The following LAMA2 variants were observed in gnomAD, a reference collection of about 807,000 sequenced individuals.
The protein encoded by LAMA2 is laminin subunit alpha-2.
A neutral mutation model predicts 364.8 loss-of-function variants in LAMA2; 269 were observed. The ratio of observed to expected loss-of-function variants is 0.74; its 90% CI spans 0.67 to 0.82. The LOEUF is 0.82. Ranked by LOEUF, LAMA2 falls within the 40% of genes least tolerant of loss-of-function variation. The probability of loss-of-function intolerance (pLI) is 0.00; values close to 1 mark genes in which losing one functional copy is unlikely to be tolerated. For synonymous variants in LAMA2, 1,379 were observed against 1,370.6 expected (o/e 1.01, Z -0.14); for missense variants, 3,807 against 3,873.2 (o/e 0.98, Z 0.45).
At chr6:129,262,592 G>A (rs892585716) in intron 15 of LAMA2, among the ~76,000 whole-genome samples, 2 of 152,136 alleles carry the variant, frequency 1.3e-5, no homozygotes, top group Admixed American at 1.3e-4. Flanking sequence ...ATTGAATCAA[G>A]AGACAATGAA....
rs776062610 is a variant in LAMA2, at chr6:129,478,677, T to TTTGAC, written c.7452-14_7452-10dup. ...CTAATGATATTGCTTTTGCTTTTCATTTGACTATTCAATAGGCCAGAAGTA... is the reference window on the plus strand; with the variant it reads ...CTAATGATATTGCTTTTGCTTTTCATTTGACTTGACTATTCAATAGGCCAGAAGTA... On this transcript the variant is annotated splice_polypyrimidine_tract_variant and intron_variant, in intron 53 of 64. Transcript: ENST00000421865. 1.9e-6 allele frequency: 3 copies of TTTGAC among 1,613,304 alleles called. No homozygotes were observed. In the South Asian group the frequency reaches 3.3e-5, roughly 18 times the overall value.
intron 7 of LAMA2, among the ~76,000 whole-genome samples, 197 bp downstream of exon 7, chr6:129,149,293 C>T (rs911232698): frequency 6.6e-6 from 1 of 152,120 alleles, no homozygotes; most frequent in Admixed American, 6.6e-5. Flanking sequence ...GACTTTATAG[C>T]CTAATAGTGA....
intron 9 of LAMA2, among the ~76,000 whole-genome samples, chr6:129,177,305 G>C (rs951722802): frequency 6.6e-6 from 1 of 152,094 alleles, no homozygotes; most frequent in Non-Finnish European, 1.5e-5. Context: ...CTTTGCACCT[G>C]TAATAGTCTG....
At chr6:129,279,544 G>A (rs1562408817) in intron 17 of LAMA2, among the ~76,000 whole-genome samples, 2 of 152,130 alleles carry the variant, frequency 1.3e-5, no homozygotes, top group Admixed American at 6.5e-5. Flanking sequence ...TTCCATCAGT[G>A]TGAGGGCATA....
intron 2 of LAMA2, among the ~76,000 whole-genome samples, chr6:129,053,414 G>A (rs1256913049): frequency 6.6e-6 from 1 of 152,110 alleles, no homozygotes; most frequent in East Asian, 1.9e-4. Context: ...GTGTGTAGGA[G>A]TGGGGAGTAT....
chr6:129,044,261 C>A (rs1233315668), intron 1 of LAMA2, among the ~76,000 whole-genome samples: 6 of 151,830 alleles, frequency 4.0e-5, no homozygotes, highest in African/African-American at 1.2e-4. Context: ...GAGCTTTGCT[C>A]CAATAAAAGC....
At chr6:129,271,019 G>T (rs1787894128) in intron 17 of LAMA2, among the ~76,000 whole-genome samples, 1 of 151,926 alleles carries the variant, frequency 6.6e-6, no homozygotes. Flanking sequence ...CAATTCCAAA[G>T]AACATAAATA....
intron 19 of LAMA2, among the ~76,000 whole-genome samples, chr6:129,289,257 A>G (rs1433616492): frequency 6.6e-6 from 1 of 152,190 alleles, no homozygotes; most frequent in African/African-American, 2.4e-5. Flanking sequence ...AAATCATAGA[A>G]AGCCTAAGAA....
intron 1 of LAMA2, among the ~76,000 whole-genome samples, chr6:128,940,747 T>C (rs889161290): frequency 2.6e-5 from 4 of 152,094 alleles, no homozygotes; most frequent in African/African-American, 9.7e-5. Flanking sequence ...AGCTCAGAAG[T>C]TCAAGGCCAG....
intron 44 of LAMA2, among the ~76,000 whole-genome samples, chr6:129,443,679 T>C (rs1782228440): frequency 6.6e-6 from 1 of 152,290 alleles, no homozygotes; most frequent in East Asian, 1.9e-4. Context: ...ATAATAAAAC[T>C]AGGTCTTAAC....
intron 11 of LAMA2, among the ~76,000 whole-genome samples, chr6:129,191,950 G>T (rs1361959496): frequency 1.3e-5 from 2 of 152,172 alleles, no homozygotes; most frequent in East Asian, 3.9e-4. Flanking sequence ...GAAGCATAAA[G>T]ATGTAAAAAC....
intron 44 of LAMA2, among the ~76,000 whole-genome samples, chr6:129,444,648 A>T (rs1782280346): frequency 1.3e-5 from 2 of 152,168 alleles, no homozygotes; most frequent in Admixed American, 6.5e-5. Context: ...ACCTAATTTT[A>T]AAAAAATGAT....
At chr6:129,442,830 T>C (rs1199358623) in intron 43 of LAMA2, 2 of 541,672 alleles carry the variant, frequency 3.7e-6, no homozygotes, top group East Asian at 3.5e-5. Flanking sequence ...CTGTTTTCTA[T>C]CTTACTAAAA....
At chr6:129,430,848 ATAAT>A (rs751940747) in intron 41 of LAMA2, among the ~76,000 whole-genome samples, 1 of 152,104 alleles carries the variant, frequency 6.6e-6, no homozygotes, top group Admixed American at 6.6e-5. Context: ...GTCTCAAATA[ATAAT>A]TAATTAATTA....
rs117763318 is a variant in LAMA2, at chr6:128,911,799, G to T, written c.112+28442G>T. Among the ~76,000 whole-genome samples the T allele has an allele frequency of 4.4e-3, 668 of 152,134 alleles. 4 individuals carry two copies. The highest frequency in any genetic ancestry group is 7.6e-3 in the Non-Finnish European group (515 of 68,006). On this transcript the variant is annotated intron_variant, in intron 1 of 64. Transcript: ENST00000421865. ...TAGAACATTTCTCCTTTCCCAGAAG[G>T]CCCTCACTGTTTTTTTGCTGTCTTC...
intron 33 of LAMA2, 70 bp from the exon 34 acceptor site, chr6:129,369,822 T>C: frequency 7.8e-7 from 1 of 1,282,632 alleles, no homozygotes. Flanking sequence ...TATACAAAAA[T>C]GTGTTCTGTC....
chr6:128,985,650 TG>T (rs2114648245), intron 1 of LAMA2, among the ~76,000 whole-genome samples: 1 of 152,288 alleles, frequency 6.6e-6, no homozygotes, highest in African/African-American at 2.4e-5. Flanking sequence ...ACACATTACT[TG>T]CTTCAATAAT....
chr6:129,175,637 A>G (rs906937044), intron 9 of LAMA2, among the ~76,000 whole-genome samples: 2 of 152,206 alleles, frequency 1.3e-5, no homozygotes, highest in Admixed American at 6.5e-5. Context: ...TGGGAGTTGA[A>G]CAATGAGAAC....
chr6:129,043,683 AT>A (rs201401599), intron 1 of LAMA2, among the ~76,000 whole-genome samples: 8 of 151,064 alleles, frequency 5.3e-5, no homozygotes, highest in Admixed American at 2.6e-4. Context: ...TATGTCTAGT[AT>A]TTTTTTTTAA....
Sources: allele counts gnomAD v4.1 joint callset (sites outside exome capture counted in the v4.1 genomes callset), GRCh38; gene constraint gnomAD v4.1.1; transcripts MANE v1.5; gene names NCBI Gene and HGNC (gene_info 2026-07-23, HGNC 2026-07-21).